The following OSBPL8 variants were observed in gnomAD, a reference collection of about 807,000 sequenced individuals.
OSBPL8 encodes oxysterol-binding protein-related protein 8.
In OSBPL8, 59 loss-of-function variants were observed where a neutral mutation model predicts 125.5. The ratio of observed to expected loss-of-function variants is 0.47; its 90% CI spans 0.38 to 0.58. OSBPL8 has a LOEUF of 0.58. Ranked by LOEUF, OSBPL8 falls within the 20% of genes least tolerant of loss-of-function variation. OSBPL8 has a pLI of 0.00. For synonymous variants in OSBPL8, 330 were observed against 338.9 expected (o/e 0.97, Z 0.29); for missense variants, 758 against 1,047.8 (o/e 0.72, Z 3.82).
At chr12:76,548,235 A>T (rs148662061) in intron 1 of OSBPL8, among the ~76,000 whole-genome samples, 1 of 152,244 alleles carries the variant, frequency 6.6e-6, no homozygotes, top group East Asian at 1.9e-4. Flanking sequence ...AAATCCAACA[A>T]ATTTCTGGGA....
chr12:76,535,857 T>C (rs1232273263), intron 1 of OSBPL8, among the ~76,000 whole-genome samples: 1 of 152,044 alleles, frequency 6.6e-6, no homozygotes, highest in African/African-American at 2.4e-5. Flanking sequence ...GAATCAGTCA[T>C]TGTCTGACAT....
chr12:76,433,075 T>C (rs911334824), intron 4 of OSBPL8, among the ~76,000 whole-genome samples: 1 of 152,194 alleles, frequency 6.6e-6, no homozygotes, highest in African/African-American at 2.4e-5. Context: ...AAGAAACTTA[T>C]GTAAACACAA....
Position 76,386,637 on chromosome 12 carries a change from T to A in OSBPL8, c.1376A>T (p.Tyr459Phe). The change falls in exon 13 of 24, where the codon TAT becomes TTT. Residue 459 changes from tyrosine (Y) to phenylalanine (F), a missense_variant. Around this residue, in one of 3 missense-constraint regions of OSBPL8, gnomAD observed 572 missense variants for 762.0 expected, o/e 0.75. Coordinates refer to ENST00000261183, the MANE Select transcript of OSBPL8 (RefSeq NM_020841.5). ...TTTCACTACTTTCTTCAAACGGAAA[T>A]AAGGATTTTCTTCAAGAGCTGCCCT... Reference protein sequence around the residue: ...LSEAALEENPYFRLKKVVKWY... With the variant: ...LSEAALEENPFFRLKKVVKWY... 1 of 1,606,450 alleles carries A rather than the reference T, an allele frequency of 6.2e-7. No individual in the cohort carries two copies. Among genetic ancestry groups the A allele is most frequent in the Non-Finnish European group, 8.5e-7 (1 of 1,176,108 alleles).
chr12:76,419,093 G>A (rs1028804566), intron 4 of OSBPL8, among the ~76,000 whole-genome samples: 1 of 151,894 alleles, frequency 6.6e-6, no homozygotes, highest in Non-Finnish European at 1.5e-5. Flanking sequence ...AAAATTAGCT[G>A]GGCGTGGTGA....
intron 1 of OSBPL8, among the ~76,000 whole-genome samples, chr12:76,553,810 T>C (rs181422544): frequency 6.6e-6 from 1 of 151,664 alleles, no homozygotes; most frequent in Non-Finnish European, 1.5e-5. Context: ...ACCCCATCTC[T>C]ACTAAAAATA....
intron 1 of OSBPL8, among the ~76,000 whole-genome samples, chr12:76,519,096 T>C (rs1232190123): frequency 6.6e-6 from 1 of 152,174 alleles, no homozygotes; most frequent in Non-Finnish European, 1.5e-5. Flanking sequence ...CTGCTACCCT[T>C]TAAGATAAGT....
chr12:76,374,927 T>C (rs1203134252), intron 17 of OSBPL8, among the ~76,000 whole-genome samples: 1 of 152,096 alleles, frequency 6.6e-6, no homozygotes, highest in African/African-American at 2.4e-5. Flanking sequence ...AGATGACACA[T>C]ATCTTCTGGT....
intron 3 of OSBPL8, among the ~76,000 whole-genome samples, chr12:76,459,193 C>T (rs1874409253): frequency 6.6e-6 from 1 of 152,138 alleles, no homozygotes; most frequent in South Asian, 2.1e-4. Flanking sequence ...AAGTTCCTTT[C>T]ACCTCAGCAA....
chr12:76,374,667 G>A (rs944431794), intron 17 of OSBPL8, among the ~76,000 whole-genome samples: 19 of 152,110 alleles, frequency 1.2e-4, no homozygotes, highest in African/African-American at 4.1e-4. Flanking sequence ...TATCAGATAT[G>A]TAAGTGATAA....
chr12:76,364,597 T>C (rs1352672808), intron 21 of OSBPL8, among the ~76,000 whole-genome samples: 1 of 152,196 alleles, frequency 6.6e-6, no homozygotes, highest in African/African-American at 2.4e-5. Flanking sequence ...CGTGTCTACC[T>C]ATGTAACAAA....
At chr12:76,371,372 A>G (rs1288218942) in intron 19 of OSBPL8, 76 bp downstream of exon 19, 2 of 1,412,106 alleles carry the variant, frequency 1.4e-6, no homozygotes, top group African/African-American at 2.9e-5. Context: ...GAAGGTGACA[A>G]AATGACCATA....
chr12:76,490,099 C>T (rs1416902195), intron 1 of OSBPL8, among the ~76,000 whole-genome samples: 1 of 152,128 alleles, frequency 6.6e-6, no homozygotes, highest in Non-Finnish European at 1.5e-5. Flanking sequence ...AATCTCAAGA[C>T]AAAACTTGAA....
At chr12:76,507,702 A>T (rs1271161209) in intron 1 of OSBPL8, among the ~76,000 whole-genome samples, 1 of 151,404 alleles carries the variant, frequency 6.6e-6, no homozygotes, top group East Asian at 1.9e-4. Flanking sequence ...GCATGCCTGT[A>T]ATCCCAGCTA....
chr12:76,396,791 T>G (rs548443367), intron 8 of OSBPL8, among the ~76,000 whole-genome samples: 1 of 152,096 alleles, frequency 6.6e-6, no homozygotes, highest in Non-Finnish European at 1.5e-5. Flanking sequence ...TAAACTTGAT[T>G]CATTTATTCA....
intron 4 of OSBPL8, among the ~76,000 whole-genome samples, chr12:76,437,265 G>A (rs1871576948): frequency 6.6e-6 from 1 of 152,052 alleles, no homozygotes; most frequent in Non-Finnish European, 1.5e-5. Context: ...GTTGTAAATG[G>A]GAATTCATAT....
chr12:76,406,545 T>C (rs993225703), intron 5 of OSBPL8, among the ~76,000 whole-genome samples: 1 of 152,210 alleles, frequency 6.6e-6, no homozygotes, highest in South Asian at 2.1e-4. Flanking sequence ...TTTGGGATAA[T>C]CTGATTAACC....
intron 1 of OSBPL8, among the ~76,000 whole-genome samples, chr12:76,523,421 G>A (rs1437689582): frequency 1.3e-5 from 2 of 152,036 alleles, no homozygotes; most frequent in Non-Finnish European, 2.9e-5. Flanking sequence ...TAAACAACAG[G>A]TATTTTATAA....
intron 1 of OSBPL8, among the ~76,000 whole-genome samples, chr12:76,546,310 A>C (rs1340152419): frequency 6.6e-6 from 1 of 152,216 alleles, no homozygotes; most frequent in Non-Finnish European, 1.5e-5. Context: ...AATTTATGTT[A>C]AACAATCAAC....
At chr12:76,541,426 C>T (rs962860355) in intron 1 of OSBPL8, among the ~76,000 whole-genome samples, 3 of 151,738 alleles carry the variant, frequency 2.0e-5, no homozygotes, top group African/African-American at 7.3e-5. Flanking sequence ...TGCGGTGAGT[C>T]GACATTGTGC....
Sources: allele counts gnomAD v4.1 joint callset (sites outside exome capture counted in the v4.1 genomes callset), GRCh38; gene constraint gnomAD v4.1.1; regional missense constraint gnomAD v4.1.1; transcripts MANE v1.5; gene names NCBI Gene and HGNC (gene_info 2026-07-23, HGNC 2026-07-21).